The following ADAM7 variants were observed in gnomAD, a reference collection of about 807,000 sequenced individuals.
The protein encoded by ADAM7 is ADAM metallopeptidase domain 7, also known as disintegrin and metalloproteinase domain-containing protein 7.
ADAM7 carries 97 observed loss-of-function variants against 102.9 expected under a neutral mutation model. The ratio of observed to expected loss-of-function variants is 0.94; its 90% CI spans 0.80 to 1.12. The LOEUF is 1.12. Among genes scored for constraint, ADAM7 ranks in the 50% most tolerant of loss-of-function variants. The pLI, the probability that ADAM7 is intolerant of heterozygous loss-of-function variation, is 0.00. For missense variants in ADAM7, 991 were observed against 908.7 expected (o/e 1.09, Z -1.16); for synonymous variants, 334 against 304.4 (o/e 1.10, Z -1.01).
In ADAM7 at chr8:24,508,721, C is replaced by T. The variant is rs1016809339; in HGVS notation, c.*175C>T. The T allele has an allele frequency of 1.5e-5, 22 of 1,425,584 alleles. No homozygotes were observed. Among genetic ancestry groups the T allele is most frequent in the Middle Eastern group, 1.8e-4 (1 of 5,456 alleles). 88.3% of individuals were successfully genotyped at this position (1,425,584 alleles called of 1,614,324 possible). On this transcript the variant is annotated 3_prime_UTR_variant, in exon 22 of 22. Transcript: ENST00000175238. ...ACAACTTATTTCTGTTAATATTTAC[C>T]GGTAGAATTCACACCCTCTATCATA... is the stretch of plus-strand genomic sequence containing the variant.
intron 3 of ADAM7, among the ~76,000 whole-genome samples, chr8:24,459,239 A>G (rs1048757686): frequency 1.3e-5 from 2 of 151,888 alleles, no homozygotes. Flanking sequence ...TCAGTTTTAA[A>G]TTACAGTTTT....
chr8:24,486,009 T>A (rs183781465), intron 10 of ADAM7, among the ~76,000 whole-genome samples: 2 of 152,218 alleles, frequency 1.3e-5, no homozygotes, highest in African/African-American at 2.4e-5. Context: ...CCACATGACT[T>A]ACTTATTATA....
intron 20 of ADAM7, chr8:24,506,270 T>C: frequency 1.2e-6 from 1 of 832,376 alleles, no homozygotes; most frequent in South Asian, 1.6e-5. Context: ...ATAACATCGA[T>C]AGCTCTCTGA....
intron 6 of ADAM7, chr8:24,467,271 T>C (rs1441213811): frequency 4.0e-5 from 19 of 469,626 alleles, no homozygotes; most frequent in Non-Finnish European, 7.1e-5. Flanking sequence ...ATTTTCAATG[T>C]CCTAAAACCT....
chr8:24,469,577 T>G (rs1819538215), intron 7 of ADAM7, among the ~76,000 whole-genome samples: 1 of 151,664 alleles, frequency 6.6e-6, no homozygotes, highest in Non-Finnish European at 1.5e-5. Context: ...TCTTCAATAA[T>G]CCAAGATAAA....
chr8:24,484,942 A>T (rs1391748087), intron 9 of ADAM7, among the ~76,000 whole-genome samples: 3 of 151,530 alleles, frequency 2.0e-5, no homozygotes, highest in African/African-American at 7.3e-5. Flanking sequence ...AGTACCTGGG[A>T]CTACAGGTGT....
In ADAM7 at chr8:24,490,874, T is replaced by C. The variant is rs62500005; in HGVS notation, c.1342T>C (p.Cys448Arg). 1.2e-6 allele frequency: 2 copies of C among 1,613,704 alleles called. No homozygotes were observed. Among genetic ancestry groups the C allele is most frequent in the Admixed American group, 3.3e-5 (2 of 59,978 alleles). The change falls in exon 13 of 22, where the codon TGT becomes CGT. Residue 448 changes from cysteine to arginine, a missense_variant. Coordinates refer to ENST00000175238, the MANE Select transcript of ADAM7 (RefSeq NM_003817.4). ...PGFTCAEGEC[C>R]ESCQIKKAGS... ...ATTTACTTGTGCAGAAGGAGAATGCTGTGAATCTTGTCAGGTAAGGTCATG... is the reference window on the plus strand; with the variant it reads ...ATTTACTTGTGCAGAAGGAGAATGCCGTGAATCTTGTCAGGTAAGGTCATG...
intron 2 of ADAM7, 46 bp downstream of exon 2, chr8:24,442,622 A>G (rs895947582): frequency 2.7e-6 from 4 of 1,461,324 alleles, no homozygotes; most frequent in African/African-American, 1.4e-5. Context: ...TTTCACAGGC[A>G]TGTAGACAGT....
At chr8:24,465,414 T>C (rs1819392086) in intron 4 of ADAM7, among the ~76,000 whole-genome samples, 1 of 152,148 alleles carries the variant, frequency 6.6e-6, no homozygotes, top group African/African-American at 2.4e-5. Context: ...AAGGAAAAGG[T>C]CACAATTCTA....
intron 1 of ADAM7, among the ~76,000 whole-genome samples, chr8:24,441,366 G>A (rs1209259092): frequency 1.3e-5 from 2 of 152,218 alleles, no homozygotes; most frequent in East Asian, 1.9e-4. Flanking sequence ...CAGTGAGGAG[G>A]AGAAAGGAGT....
At chr8:24,498,845 G>T (rs1165427623) in intron 16 of ADAM7, among the ~76,000 whole-genome samples, 4 of 151,700 alleles carry the variant, frequency 2.6e-5, no homozygotes, top group Admixed American at 1.3e-4. Context: ...ATCAATTGTG[G>T]TATAATAAAC....
At chr8:24,501,426 C>T in intron 19 of ADAM7, 51 bp from the exon 20 acceptor site, 9 of 1,325,258 alleles carry the variant, frequency 6.8e-6, no homozygotes, top group Non-Finnish European at 9.4e-6. Context: ...AATAAATAAC[C>T]TGAATAGCCC....
chr8:24,486,691 C>T (rs1343019871), intron 10 of ADAM7, among the ~76,000 whole-genome samples: 3 of 152,032 alleles, frequency 2.0e-5, no homozygotes, highest in East Asian at 1.9e-4. Context: ...CTTGCTGTGT[C>T]CTGACCCGGT....
At chr8:24,466,180 G>A (rs1370491638) in intron 5 of ADAM7, among the ~76,000 whole-genome samples, 1 of 152,140 alleles carries the variant, frequency 6.6e-6, no homozygotes, top group African/African-American at 2.4e-5. Flanking sequence ...ATGCCGTAAG[G>A]CTTGACTCTT....
intron 3 of ADAM7, among the ~76,000 whole-genome samples, chr8:24,450,383 T>A (rs1585853102): frequency 1.3e-5 from 2 of 152,204 alleles, no homozygotes; most frequent in African/African-American, 4.8e-5. Context: ...GTAAGTTGGA[T>A]TCCTAGGTAT....
At chr8:24,487,111 A>G in intron 10 of ADAM7, 76 bp from the exon 11 acceptor site, 1 of 1,459,788 alleles carries the variant, frequency 6.9e-7, no homozygotes, top group South Asian at 1.4e-5. Context: ...CAGGTCTTTC[A>G]ACCACTAGTT....
chr8:24,445,983 T>A (rs1818543784), intron 2 of ADAM7, among the ~76,000 whole-genome samples: 1 of 152,158 alleles, frequency 6.6e-6, no homozygotes, highest in African/African-American at 2.4e-5. Flanking sequence ...CTCCACTATG[T>A]GTGCTTGGTT....
chr8:24,464,061 T>C (rs936022723), intron 4 of ADAM7, 101 bp downstream of exon 4: 1 of 1,013,436 alleles, frequency 9.9e-7, no homozygotes, highest in Non-Finnish European at 1.5e-6. Context: ...CAGAAAGTAC[T>C]ACATCAGAAA....
At position 24,451,768 on chromosome 8, in the gene ADAM7, C is replaced by T. The variant is rs879807710; in HGVS notation, c.233+4506C>T. ...GGGTGTCAATTTTGGATCTTTCCTG[C>T]TTTCTCTTGTGGGCATTTAGTGCTA... is the stretch of plus-strand genomic sequence containing the variant. On this transcript the variant is annotated intron_variant, in intron 3 of 21. Coordinates refer to ENST00000175238, the MANE Select transcript of ADAM7 (RefSeq NM_003817.4). Among the ~76,000 whole-genome samples the T allele has an allele frequency of 2.7e-3, 400 of 150,734 alleles. 2 individuals carry two copies. Among genetic ancestry groups the T allele is most frequent in the Middle Eastern group, 6.8e-3 (2 of 294 alleles).
Sources: gnomAD v4.1 joint callset for allele counts (sites outside exome capture counted in the v4.1 genomes callset) on GRCh38, gnomAD v4.1.1 for gene constraint, MANE v1.5 for transcripts, NCBI Gene and HGNC (gene_info 2026-07-23, HGNC 2026-07-21) for gene names.